Variants in SYDE2 observed in about 807,000 individuals in gnomAD.
The protein encoded by SYDE2 is rho GTPase-activating protein SYDE2.
A neutral mutation model predicts 91.5 loss-of-function variants in SYDE2; 76 were observed. That is an observed-to-expected ratio of 0.83 (90% confidence interval 0.69 to 1.01). SYDE2 has a LOEUF of 1.01. Among genes scored for constraint, SYDE2 ranks in the 50% least tolerant of loss-of-function variants. The pLI, the probability that SYDE2 is intolerant of heterozygous loss-of-function variation, is 0.00. For missense variants in SYDE2, 1,364 were observed against 1,367.7 expected, an observed-to-expected ratio of 1.00 and a Z score of 0.04; for synonymous variants, 513 against 506.4, an observed-to-expected ratio of 1.01 and a Z score of -0.18.
intron 6 of SYDE2, chr1:85,160,485 T>C: frequency 2.1e-6 from 2 of 968,104 alleles, no homozygotes; most frequent in Non-Finnish European, 2.5e-6. Flanking sequence ...TAAAATTTTC[T>C]AGAAAATAAA....
At chr1:85,172,047 G>A (rs1457049658) in intron 4 of SYDE2, among the ~76,000 whole-genome samples, 1 of 152,124 alleles carries the variant, frequency 6.6e-6, no homozygotes, top group South Asian at 2.1e-4. Context: ...GAGGAAATAT[G>A]ATCAATTGAG....
In SYDE2 at chr1:85,182,615, T is replaced by C; in HGVS notation, c.2027A>G (p.Gln676Arg). ...TACACTCATGAGCCCAGATATGTAC[T>C]GTGAACACTTAGGTTGATCAGAAAA... ...YSFSDQPKCS[Q>R]YISGLMSVHF... The change falls in exon 3 of 7, where the codon CAG (glutamine) becomes CGG (arginine). Residue 676 changes from glutamine (Q) to arginine (R), a missense_variant. By Grantham distance (43) the Gln-to-Arg change is conservative. Coordinates refer to ENST00000341460, the MANE Select transcript of SYDE2 (RefSeq NM_032184.2). The C allele has an allele frequency of 6.2e-7, 1 of 1,613,954 alleles. No individual in the cohort carries two copies. The highest frequency in any genetic ancestry group is 1.7e-5 in the Admixed American group (1 of 60,022).
chr1:85,174,837 G>A (rs1195558411), intron 4 of SYDE2, among the ~76,000 whole-genome samples: 2 of 152,124 alleles, frequency 1.3e-5, no homozygotes, highest in Non-Finnish European at 2.9e-5. Context: ...AAAGGAAAAC[G>A]GAAACAATTT....
chr1:85,164,411 T>C (rs2100647319), intron 6 of SYDE2, 115 bp downstream of exon 6: 1 of 778,868 alleles, frequency 1.3e-6, no homozygotes. Context: ...TCACAACATT[T>C]TGAAAAAGCA....
chr1:85,174,379 T>C (rs1657613070), intron 4 of SYDE2, among the ~76,000 whole-genome samples: 1 of 152,176 alleles, frequency 6.6e-6, no homozygotes, highest in Non-Finnish European at 1.5e-5. Flanking sequence ...TATACATTCT[T>C]TTCAAGAGCT....
In SYDE2 at chr1:85,183,011, CT is replaced by C; in HGVS notation, c.1630del (p.Ser544AlafsTer6). ...KKLPEFSRKL[S>X]VKGTLNYINS... Reference sequence around the variant, plus strand: ...TATATAATTCAATGTTCCCTTAACGCTTAGCTTTCGGCTAAATTCTGGCAAC... The same window carrying C: ...TATATAATTCAATGTTCCCTTAACGCTAGCTTTCGGCTAAATTCTGGCAAC... On this transcript the variant is annotated frameshift_variant, in exon 3 of 7. Transcript: ENST00000341460. LOFTEE classifies it high-confidence loss of function. The C allele has an allele frequency of 1.2e-6, 2 of 1,613,118 alleles. No homozygotes were observed. Among genetic ancestry groups the C allele is most frequent in the Non-Finnish European group, 1.7e-6 (2 of 1,179,670 alleles).
chr1:85,162,892 C>A (rs1488648738), intron 6 of SYDE2, among the ~76,000 whole-genome samples: 1 of 152,056 alleles, frequency 6.6e-6, no homozygotes, highest in African/African-American at 2.4e-5. Flanking sequence ...AGAATTAAAG[C>A]TGTTCTAGAA....
intron 1 of SYDE2, among the ~76,000 whole-genome samples, chr1:85,194,489 A>G (rs1004037878): frequency 6.7e-6 from 1 of 148,164 alleles, no homozygotes; most frequent in African/African-American, 2.4e-5. Flanking sequence ...TATTTCATAT[A>G]TAATATAAAA....
At chr1:85,192,652 A>G (rs560870539) in intron 1 of SYDE2, among the ~76,000 whole-genome samples, 1 of 152,304 alleles carries the variant, frequency 6.6e-6, no homozygotes, top group African/African-American at 2.4e-5. Flanking sequence ...CATGAGAGAT[A>G]AAGAAGTAAG....
chr1:85,200,426 G>A lies in SYDE2; in HGVS notation c.571C>T (p.Leu191=). 1.1e-5 allele frequency: 17 copies of A among 1,614,040 alleles called. No individual in the cohort carries two copies. The highest frequency in any genetic ancestry group is 1.4e-5 in the Non-Finnish European group (17 of 1,179,912). The change falls in exon 1 of 7, where the codon CTG becomes TTG. Residue 191 remains leucine (L), a synonymous_variant. Transcript: ENST00000341460. The stretch of plus-strand genomic sequence containing the variant: ...CGCCCTTTGTACATCCACTTCTGCA[G>A]CTTCTTGACTGTCACTGCCGGCGGC... The part of the protein sequence containing the change: ...LRPPAVTVKK[L]QKWMYKGRLL...
chr1:85,170,870 A>G (rs2100655577), intron 4 of SYDE2, among the ~76,000 whole-genome samples: 1 of 152,340 alleles, frequency 6.6e-6, no homozygotes, highest in East Asian at 1.9e-4. Context: ...TTTTTCCAAA[A>G]CATGCTACAA....
rs1557752418 is a variant in SYDE2 at position 85,183,051 on chromosome 1, T to C, written c.1591A>G (p.Met531Val). The C allele has an allele frequency of 6.2e-7, 1 of 1,613,254 alleles. No homozygotes were observed. ...AATTCTGGCAACTTTTTCATTTTCA[T>C]GGAAAGTTTCCTCACAGTTCGTGGA... ...KSPRTVRKLSMKMKKLPEFSR... is the reference protein window; with the variant it reads ...KSPRTVRKLSVKMKKLPEFSR... Residue 531 changes from methionine (M) to valine (V), a missense_variant, in exon 3 of 7, where the codon ATG becomes GTG. Transcript: ENST00000341460.
chr1:85,183,116 C>T lies in SYDE2; in HGVS notation c.1526G>A (p.Gly509Asp), dbSNP rs1256955279. Residue 509 changes from glycine to aspartate, a missense_variant, in exon 3 of 7, where the codon GGC becomes GAC. Gly to Asp is a moderately conservative substitution (Grantham distance 94). Transcript: ENST00000341460. ...SSPNPSPVKK[G>D]SSINWSLPDK... Reference sequence around the variant, plus strand: ...TGGCAATGACCAATTAATTGAACTGCCTTTTTTCACAGGGCTAGGATTTGG... The same window carrying T: ...TGGCAATGACCAATTAATTGAACTGTCTTTTTTCACAGGGCTAGGATTTGG... 6.2e-7 allele frequency: 1 copy of T among 1,613,062 alleles called. No individual in the cohort carries two copies. The highest frequency in any genetic ancestry group is 8.5e-7 in the Non-Finnish European group (1 of 1,179,674).
At chr1:85,171,212 G>C (rs1271121458) in intron 4 of SYDE2, among the ~76,000 whole-genome samples, 1 of 152,170 alleles carries the variant, frequency 6.6e-6, no homozygotes, top group Non-Finnish European at 1.5e-5. Context: ...ACAGATTTAA[G>C]AATGATCAAC....
At chr1:85,160,124 T>C in intron 6 of SYDE2, 1 of 984,562 alleles carries the variant, frequency 1.0e-6, no homozygotes, top group Non-Finnish European at 1.2e-6. Flanking sequence ...AGATTACCCA[T>C]AATATCTTTC....
intron 6 of SYDE2, among the ~76,000 whole-genome samples, chr1:85,164,203 CAT>C (rs1351230555): frequency 6.6e-6 from 1 of 151,990 alleles, no homozygotes; most frequent in Non-Finnish European, 1.5e-5. Flanking sequence ...TTATTAAATC[CAT>C]ATGACAAAAG....
At chr1:85,196,262 G>C (rs893926485) in intron 1 of SYDE2, among the ~76,000 whole-genome samples, 4 of 152,144 alleles carry the variant, frequency 2.6e-5, no homozygotes, top group Admixed American at 2.0e-4. Context: ...GAGAGCTCTA[G>C]AAGCTTACTA....
intron 2 of SYDE2, among the ~76,000 whole-genome samples, chr1:85,187,193 A>T (rs1429049769): frequency 6.6e-6 from 1 of 152,220 alleles, no homozygotes; most frequent in Non-Finnish European, 1.5e-5. Context: ...ACCCCACCAA[A>T]AAGTGGGCGA....
chr1:85,194,283 A>C (rs1658494528), intron 1 of SYDE2, among the ~76,000 whole-genome samples: 1 of 151,058 alleles, frequency 6.6e-6, no homozygotes, highest in African/African-American at 2.4e-5. Flanking sequence ...TATTAGCATA[A>C]ATTTAAGAGT....
Sources: allele counts gnomAD v4.1 joint callset (sites outside exome capture counted in the v4.1 genomes callset), GRCh38; gene constraint gnomAD v4.1.1; transcripts MANE v1.5; gene names NCBI Gene and HGNC (gene_info 2026-07-23, HGNC 2026-07-21).